CCSER1: variants seen among roughly 807,000 people sequenced by gnomAD.
CCSER1 encodes serine-rich coiled-coil domain-containing protein 1.
In CCSER1, 41 loss-of-function variants were observed where a neutral mutation model predicts 82.0. That is an observed-to-expected ratio of 0.50 (90% CI 0.39 to 0.65). The LOEUF is 0.65. Among genes scored for constraint, CCSER1 ranks in the 30% least tolerant of loss-of-function variants. The pLI, the probability that CCSER1 is intolerant of heterozygous loss-of-function variation, is 0.00. For synonymous variants in CCSER1, 414 were observed against 383.9 expected (o/e 1.08, Z -0.92); for missense variants, 1,119 against 1,064.2 (o/e 1.05, Z -0.72).
rs181116224 is a variant in CCSER1, at chr4:91,315,934, A to G, written c.2217+229940A>G. 3.4e-4 allele frequency among the ~76,000 whole-genome samples: 51 copies of G among 152,054 alleles called. No individual in the cohort carries two copies. In the East Asian group the frequency reaches 8.9e-3, roughly 27 times the overall value. On this transcript the variant is annotated intron_variant, in intron 10 of 10. Transcript: ENST00000509176. ...CATCTCATCTTGAATTGTACCTCCC[A>G]TAATCACCACATGTCATGGGAAGGA...
At chr4:91,223,790 A>T (rs59066405) in intron 10 of CCSER1, among the ~76,000 whole-genome samples, 1 of 152,048 alleles carries the variant, frequency 6.6e-6, no homozygotes, top group African/African-American at 2.4e-5. Flanking sequence ...TTATAGAGAA[A>T]ATCCTTAAGA....
intron 10 of CCSER1, among the ~76,000 whole-genome samples, chr4:91,481,116 C>T (rs1312542540): frequency 6.8e-6 from 1 of 146,832 alleles, no homozygotes; most frequent in African/African-American, 2.5e-5. Context: ...CCTACAGCCT[C>T]TCCTTTCCTT....
intron 5 of CCSER1, among the ~76,000 whole-genome samples, chr4:90,527,156 C>T (rs1401011130): frequency 6.6e-6 from 1 of 152,170 alleles, no homozygotes; most frequent in African/African-American, 2.4e-5. Flanking sequence ...TCAGAGTGAG[C>T]AGGCAACCTA....
At chr4:90,471,205 A>T (rs1001407573) in intron 5 of CCSER1, among the ~76,000 whole-genome samples, 8 of 152,042 alleles carry the variant, frequency 5.3e-5, no homozygotes, top group African/African-American at 1.9e-4. Flanking sequence ...TGGGTGTGCT[A>T]TTGAGAGGCA....
chr4:91,536,346 G>A (rs1299714248), intron 10 of CCSER1, among the ~76,000 whole-genome samples: 6 of 152,066 alleles, frequency 3.9e-5, no homozygotes, highest in African/African-American at 1.2e-4. Context: ...TTTAGATCAT[G>A]TTTAGCTGCC....
chr4:90,728,395 A>AC, intron 7 of CCSER1, among the ~76,000 whole-genome samples: 1 of 152,286 alleles, frequency 6.6e-6, no homozygotes, highest in African/African-American at 2.4e-5. Context: ...AAGAACAAGA[A>AC]AAAACTCTTT....
intron 6 of CCSER1, among the ~76,000 whole-genome samples, chr4:90,689,058 A>C (rs1263282597): frequency 1.3e-5 from 2 of 152,132 alleles, no homozygotes; most frequent in Non-Finnish European, 2.9e-5. Flanking sequence ...ACATTTACCT[A>C]AGCATTTAGA....
chr4:90,553,606 A>G (rs1016845808), intron 5 of CCSER1, among the ~76,000 whole-genome samples: 2 of 152,216 alleles, frequency 1.3e-5, no homozygotes, highest in East Asian at 3.8e-4. Context: ...AATAATATTT[A>G]CTAACTTTAC....
At chr4:90,687,207 T>G (rs974783283) in intron 6 of CCSER1, among the ~76,000 whole-genome samples, 1 of 152,236 alleles carries the variant, frequency 6.6e-6, no homozygotes, top group Non-Finnish European at 1.5e-5. Context: ...TTATGTAAAA[T>G]TCTTTTTTTC....
intron 10 of CCSER1, among the ~76,000 whole-genome samples, chr4:91,289,182 A>C (rs1392421010): frequency 6.6e-6 from 1 of 151,898 alleles, no homozygotes. Context: ...CCAGCTCAAC[A>C]CCTGCCTTTA....
At chr4:90,834,412 T>C (rs62311112) in intron 8 of CCSER1, among the ~76,000 whole-genome samples, 16,469 of 152,208 alleles carry the variant, frequency 0.11, 998 homozygotes, top group African/African-American at 0.15. Flanking sequence ...GCTACTTGAT[T>C]TAATAGTTTC....
chr4:90,969,047 C>T (rs1473462332), intron 9 of CCSER1, among the ~76,000 whole-genome samples: 2 of 151,292 alleles, frequency 1.3e-5, no homozygotes, highest in Non-Finnish European at 2.9e-5. Flanking sequence ...CTTTCATGAG[C>T]AGACTCAAGC....
At chr4:91,465,211 C>T (rs1756804940) in intron 10 of CCSER1, among the ~76,000 whole-genome samples, 1 of 152,148 alleles carries the variant, frequency 6.6e-6, no homozygotes, top group Non-Finnish European at 1.5e-5. Flanking sequence ...TCACTCAAAA[C>T]CCCTCAACAA....
chr4:91,417,875 T>C (rs1192510906), intron 10 of CCSER1, among the ~76,000 whole-genome samples: 1 of 151,870 alleles, frequency 6.6e-6, no homozygotes. Flanking sequence ...TTAAAAAATA[T>C]TCTCTAGGAT....
At position 91,516,803 on chromosome 4, in the gene CCSER1, C is replaced by A. The variant is rs888293162; in HGVS notation, c.2218-81769C>A. 3.9e-5 allele frequency among the ~76,000 whole-genome samples: 6 copies of A among 152,042 alleles called. No individual in the cohort carries two copies. The South Asian group carries it at 1.2e-3, about 32-fold the overall frequency. On this transcript the variant is annotated intron_variant, in intron 10 of 10. Transcript: ENST00000509176. ...CTGTAAATTTTGGGGAGAAGTATGG[C>A]CATTTTACAATATTGATTCTTCCTA...
chr4:90,290,240 A>G (rs1309888923), intron 1 of CCSER1, among the ~76,000 whole-genome samples: 1 of 151,916 alleles, frequency 6.6e-6, no homozygotes, highest in Non-Finnish European at 1.5e-5. Flanking sequence ...CTATACTAAG[A>G]TGTGCAGAAG....
intron 10 of CCSER1, among the ~76,000 whole-genome samples, chr4:91,538,698 C>CATATATTATATATATATATATTATATAT: frequency 6.5e-5 from 9 of 138,340 alleles, no homozygotes; most frequent in African/African-American, 2.2e-4. Flanking sequence ...TATATATACA[C>CATATATTATATATATATATATTATATAT]ATATATATAT....
chr4:90,223,703 G>T (rs1485555861), intron 1 of CCSER1, among the ~76,000 whole-genome samples: 1 of 152,172 alleles, frequency 6.6e-6, no homozygotes, highest in East Asian at 1.9e-4. Context: ...TGTTAATCCA[G>T]TGATTTCAGT....
At chr4:90,216,718 G>C (rs1741105308) in intron 1 of CCSER1, among the ~76,000 whole-genome samples, 1 of 152,062 alleles carries the variant, frequency 6.6e-6, no homozygotes, top group Non-Finnish European at 1.5e-5. Flanking sequence ...GATGCTTCCA[G>C]CTTTGTTCTT....
Sources: allele counts gnomAD v4.1 joint callset (sites outside exome capture counted in the v4.1 genomes callset), GRCh38; gene constraint gnomAD v4.1.1; transcripts MANE v1.5; gene names NCBI Gene and HGNC (gene_info 2026-07-23, HGNC 2026-07-21).